The following SEMA3C variants were observed in gnomAD, a reference collection of about 807,000 sequenced individuals.
The protein encoded by SEMA3C is semaphorin 3C.
A neutral mutation model predicts 89.4 loss-of-function variants in SEMA3C; 47 were observed. The ratio of observed to expected loss-of-function variants is 0.53; its 90% CI spans 0.42 to 0.67. The LOEUF is 0.67. Among genes scored for constraint, SEMA3C ranks in the 30% least tolerant of loss-of-function variants. The pLI is 0.00. For missense variants in SEMA3C, 839 were observed against 929.1 expected (o/e 0.90, Z 1.26); for synonymous variants, 310 against 320.2 (o/e 0.97, Z 0.34).
intron 2 of SEMA3C, among the ~76,000 whole-genome samples, chr7:80,901,212 T>C (rs909226811): frequency 6.6e-6 from 1 of 152,200 alleles, no homozygotes; most frequent in African/African-American, 2.4e-5. Context: ...TTTGGTTTTA[T>C]CAACAATATT....
chr7:80,769,231 T>C (rs1788372757), intron 12 of SEMA3C, among the ~76,000 whole-genome samples: 1 of 152,214 alleles, frequency 6.6e-6, no homozygotes, highest in South Asian at 2.1e-4. Context: ...TCCACTCTTT[T>C]AGTTATTTTA....
rs774784715 is a variant in SEMA3C at position 80,804,104 on chromosome 7, A to G, written c.801+2T>C. Reference sequence around the variant, plus strand: ...TCAAATCGGAACAGCATTAATACTTACAGGACATATTCGAGCAATCATGGA... The same window carrying G: ...TCAAATCGGAACAGCATTAATACTTGCAGGACATATTCGAGCAATCATGGA... On this transcript the variant is annotated splice_donor_variant, in intron 8 of 17. Coordinates refer to ENST00000265361, the MANE Select transcript of SEMA3C (RefSeq NM_006379.5). LOFTEE classifies it high-confidence loss of function. 5.9e-5 allele frequency: 95 copies of G among 1,607,344 alleles called. No homozygotes were observed. Among genetic ancestry groups the G allele is most frequent in the Non-Finnish European group, 7.9e-5 (93 of 1,176,650 alleles).
At chr7:80,805,142 A>G (rs1260191932) in intron 7 of SEMA3C, among the ~76,000 whole-genome samples, 3 of 152,070 alleles carry the variant, frequency 2.0e-5, no homozygotes, top group African/African-American at 7.2e-5. Flanking sequence ...ATATTAGTCC[A>G]TTTATGAGAA....
chr7:80,824,549 ATAAAAGG>A (rs1789827656), intron 4 of SEMA3C, among the ~76,000 whole-genome samples: 1 of 152,200 alleles, frequency 6.6e-6, no homozygotes, highest in South Asian at 2.1e-4. Context: ...TATCATTGAA[ATAAAAGG>A]TTAACAGAAG....
intron 2 of SEMA3C, among the ~76,000 whole-genome samples, chr7:80,853,881 AC>A (rs1790572771): frequency 6.7e-6 from 1 of 149,712 alleles, no homozygotes; most frequent in Admixed American, 6.7e-5. Context: ...TATCTTATGT[AC>A]CCCATATATA....
chr7:80,776,449 G>T (rs934782347), intron 12 of SEMA3C, among the ~76,000 whole-genome samples: 5 of 152,068 alleles, frequency 3.3e-5, no homozygotes, highest in Admixed American at 6.6e-5. Flanking sequence ...TATAGTATTT[G>T]CCCTACACAC....
chr7:80,852,066 C>T lies in SEMA3C; in HGVS notation c.104-23321G>A, dbSNP rs17154550. 8.6e-3 allele frequency among the ~76,000 whole-genome samples: 1,309 copies of T among 152,284 alleles called. 53 individuals carry two copies. The East Asian group carries it at 0.13, about 15-fold the overall frequency. On this transcript the variant is annotated intron_variant, in intron 2 of 17. Transcript: ENST00000265361. ...CTCTTATACAGAGTTACTCAGGCTG[C>T]TAATGCAAACAATGACAGAGTGTTG...
chr7:80,883,537 G>A (rs567928874), intron 2 of SEMA3C, among the ~76,000 whole-genome samples: 2 of 152,266 alleles, frequency 1.3e-5, no homozygotes, highest in South Asian at 4.1e-4. Context: ...GAACTTTTAA[G>A]ATCAGGCCTC....
intron 5 of SEMA3C, among the ~76,000 whole-genome samples, chr7:80,816,932 T>A (rs968642708): frequency 6.6e-6 from 1 of 152,216 alleles, no homozygotes; most frequent in Non-Finnish European, 1.5e-5. Flanking sequence ...TTGAAATCTG[T>A]GCTCTGAAAA....
intron 4 of SEMA3C, 30 bp downstream of exon 4, chr7:80,827,395 T>A (rs1256150743): frequency 4.2e-6 from 3 of 706,834 alleles, no homozygotes; most frequent in Non-Finnish European, 5.4e-6. Context: ...AGTTAGTGTT[T>A]TTTTTTTTTT....
chr7:80,858,939 G>C (rs969009003), intron 2 of SEMA3C, among the ~76,000 whole-genome samples: 3 of 152,188 alleles, frequency 2.0e-5, no homozygotes, highest in African/African-American at 7.2e-5. Flanking sequence ...CCCTCGGTTA[G>C]AGGTGCATCA....
chr7:80,783,448 G>A (rs894326333), intron 12 of SEMA3C, among the ~76,000 whole-genome samples: 2 of 152,116 alleles, frequency 1.3e-5, no homozygotes, highest in African/African-American at 4.8e-5. Flanking sequence ...TCCACATTCT[G>A]CTTTGGAAAG....
At chr7:80,762,411 T>A (rs950889611) in intron 13 of SEMA3C, among the ~76,000 whole-genome samples, 3 of 152,214 alleles carry the variant, frequency 2.0e-5, no homozygotes, top group Non-Finnish European at 4.4e-5. Context: ...AGGTTCTCTT[T>A]TGATAAAATG....
rs1789111460 is a variant in SEMA3C at position 80,798,144 on chromosome 7, T to C, written c.1079A>G (p.Asn360Ser). The C allele has an allele frequency of 1.9e-6, 3 of 1,608,680 alleles. No homozygotes were observed. Among genetic ancestry groups the C allele is most frequent in the Non-Finnish European group, 1.7e-6 (2 of 1,177,768 alleles). The change falls in exon 11 of 18, where the codon AAT becomes AGT. Residue 360 changes from asparagine (N) to serine (S), a missense_variant. Asn to Ser is a conservative substitution (Grantham distance 46). Transcript: ENST00000265361. ...NGPFAHKEGP[N>S]HQLISYQGRI... is the part of the protein sequence containing the mutation. ...GCCCTGATAGGAAATCAGCTGATGA[T>C]TGGGCCCTTCTTTGTGGGCAAAAGG...
chr7:80,768,023 GAAT>G (rs1788342384), intron 12 of SEMA3C, among the ~76,000 whole-genome samples: 1 of 152,204 alleles, frequency 6.6e-6, no homozygotes, highest in Non-Finnish European at 1.5e-5. Flanking sequence ...GAGTTTGCCA[GAAT>G]AATGCCTGAA....
At position 80,804,174 on chromosome 7, in the gene SEMA3C, TGAA is replaced by T; in HGVS notation, c.730_732del (p.Phe244del). On this transcript the variant is annotated inframe_deletion, in exon 8 of 18. Coordinates refer to ENST00000265361, the MANE Select transcript of SEMA3C (RefSeq NM_006379.5). ...CTGTTATTGTCAGTCAGTTTTTCTT[TGAA>T]GAAGAAGTACACCTTAGCATCATTT... 6.2e-7 allele frequency: 1 copy of T among 1,613,200 alleles called. No homozygotes were observed.
At chr7:80,854,549 G>C (rs1363474329) in intron 2 of SEMA3C, among the ~76,000 whole-genome samples, 1 of 152,158 alleles carries the variant, frequency 6.6e-6, no homozygotes, top group Non-Finnish European at 1.5e-5. Flanking sequence ...AGGTTTTTGG[G>C]TAGGGCTGAG....
At chr7:80,859,497 A>T (rs1367189516) in intron 2 of SEMA3C, among the ~76,000 whole-genome samples, 1 of 152,190 alleles carries the variant, frequency 6.6e-6, no homozygotes, top group Non-Finnish European at 1.5e-5. Flanking sequence ...ACAAATGCTC[A>T]GAAGAGCCTC....
chr7:80,754,964 T>TTTTGTTTTTTTTATTTTTTG (rs765917535), intron 15 of SEMA3C, among the ~76,000 whole-genome samples: 2 of 129,148 alleles, frequency 1.5e-5, no homozygotes, highest in African/African-American at 2.8e-5. Flanking sequence ...TTTGTTTTTT[T>TTTTGTTTTTTTTATTTTTTG]TTTTTTTGTA....
Sources: allele counts gnomAD v4.1 joint callset (sites outside exome capture counted in the v4.1 genomes callset), GRCh38; gene constraint gnomAD v4.1.1; transcripts MANE v1.5; gene names NCBI Gene and HGNC (gene_info 2026-07-23, HGNC 2026-07-21).